Variants in CRHR1 observed in about 807,000 individuals in gnomAD.
The protein encoded by CRHR1 is corticotropin releasing hormone receptor 1.
Under a neutral mutation model 56.0 loss-of-function variants are expected in CRHR1, and 28 were observed. The ratio of observed to expected loss-of-function variants is 0.50; its 90% confidence interval spans 0.37 to 0.69. CRHR1 has a LOEUF of 0.69. Ranked by LOEUF, CRHR1 falls within the 30% of genes least tolerant of loss-of-function variation. The probability of loss-of-function intolerance (pLI) is 0.00; values close to 1 mark genes in which losing one functional copy is unlikely to be tolerated. For missense variants in CRHR1, 376 were observed against 548.0 expected (o/e 0.69, Z 3.13); for synonymous variants, 195 against 216.5 (o/e 0.90, Z 0.87).
chr17:45,831,945 T>A (rs2062320276), intron 8 of CRHR1, among the ~76,000 whole-genome samples: 1 of 152,134 alleles, frequency 6.6e-6, no homozygotes, highest in Non-Finnish European at 1.5e-5. Flanking sequence ...GACTCCCTCC[T>A]GACTCCCTCC....
rs533142615 is a variant in CRHR1 at position 45,813,135 on chromosome 17, G to A, written c.122-3328G>A. ...CCCCGAGGCCTTATGGGAAGGCACCGAGCCCACAAGGCAGTCCCAGGCCGG... is the reference window on the plus strand; with the variant it reads ...CCCCGAGGCCTTATGGGAAGGCACCAAGCCCACAAGGCAGTCCCAGGCCGG... On this transcript the variant is annotated intron_variant, in intron 2 of 12. Coordinates refer to ENST00000314537, the MANE Select transcript of CRHR1 (RefSeq NM_004382.5). Among the ~76,000 whole-genome samples, 12 of 152,262 alleles carry A rather than the reference G, an allele frequency of 7.9e-5. No individual in the cohort carries two copies. The East Asian group carries it at 1.7e-3, about 22-fold the overall frequency.
In CRHR1 at chr17:45,788,337, G is replaced by A. The variant is rs144915846; in HGVS notation, c.33+3760G>A. 4.0e-3 allele frequency among the ~76,000 whole-genome samples: 613 copies of A among 152,296 alleles called. 3 individuals are homozygous for A. Among genetic ancestry groups the A allele is most frequent in the African/African-American group, 0.014 (573 of 41,556 alleles). On this transcript the variant is annotated intron_variant, in intron 1 of 12. Coordinates refer to ENST00000314537, the MANE Select transcript of CRHR1 (RefSeq NM_004382.5). ...CCACAGTTTATCTGTCTGTAAACAGGGGTATTGGACTGGATTCTCTGTTAT... is the reference window on the plus strand; with the variant it reads ...CCACAGTTTATCTGTCTGTAAACAGAGGTATTGGACTGGATTCTCTGTTAT...
chr17:45,829,153 G>T, intron 4 of CRHR1, 62 bp from the exon 5 acceptor site: 2 of 1,322,766 alleles, frequency 1.5e-6, no homozygotes, highest in Admixed American at 3.6e-5. Context: ...CCTAGGCGAT[G>T]TCCTCACAGA....
At chr17:45,817,767 C>T (rs913053473) in intron 3 of CRHR1, among the ~76,000 whole-genome samples, 1 of 152,088 alleles carries the variant, frequency 6.6e-6, no homozygotes, top group African/African-American at 2.4e-5. Flanking sequence ...CATGTCCTGG[C>T]CATGGGAGGG....
At chr17:45,809,579 C>T (rs112236585) in intron 2 of CRHR1, among the ~76,000 whole-genome samples, 71 of 152,378 alleles carry the variant, frequency 4.7e-4, no homozygotes, top group African/African-American at 1.7e-3. Flanking sequence ...GCATGGCACG[C>T]GATCCATCAC....
intron 1 of CRHR1, among the ~76,000 whole-genome samples, chr17:45,793,711 G>C (rs2061467669): frequency 1.3e-5 from 2 of 152,190 alleles, no homozygotes; most frequent in African/African-American, 4.8e-5. Flanking sequence ...GGGGGCCTAG[G>C]AGTGGTGGGG....
chr17:45,794,365 A>C (rs2061480330), intron 1 of CRHR1, among the ~76,000 whole-genome samples: 1 of 152,252 alleles, frequency 6.6e-6, no homozygotes, highest in Non-Finnish European at 1.5e-5. Context: ...CAGTCGGACC[A>C]GTCCTCACCA....
intron 1 of CRHR1, among the ~76,000 whole-genome samples, chr17:45,791,852 TCACACACACACACACA>T (rs59855327): frequency 8.3e-6 from 1 of 121,028 alleles, no homozygotes. Flanking sequence ...TCTCTCTCTC[TCACACACACACACACA>T]CACACACACA....
At chr17:45,785,682 T>G (rs1223036427) in intron 1 of CRHR1, among the ~76,000 whole-genome samples, 1 of 152,228 alleles carries the variant, frequency 6.6e-6, no homozygotes, top group Non-Finnish European at 1.5e-5. Flanking sequence ...CATTTTTCCA[T>G]CAGTTATTAA....
chr17:45,798,994 G>T (rs567980207), intron 1 of CRHR1, among the ~76,000 whole-genome samples: 4 of 152,376 alleles, frequency 2.6e-5, no homozygotes, highest in African/African-American at 9.6e-5. Context: ...GGAACTGGTT[G>T]TGGCTGTCAC....
At chr17:45,791,890 G>A (rs998416811) in intron 1 of CRHR1, among the ~76,000 whole-genome samples, 2 of 142,930 alleles carry the variant, frequency 1.4e-5, no homozygotes, top group African/African-American at 5.3e-5. Context: ...ACACACGCTG[G>A]TACCCTGGCG....
intron 1 of CRHR1, among the ~76,000 whole-genome samples, chr17:45,804,934 C>G (rs915438433): frequency 6.6e-6 from 1 of 152,014 alleles, no homozygotes; most frequent in Non-Finnish European, 1.5e-5. Flanking sequence ...CCTGCCTCAG[C>G]CTCCCGAATA....
At position 45,830,229 on chromosome 17, in the gene CRHR1, G is replaced by A. The variant is rs370609170; in HGVS notation, c.555+15G>A. ...AGAGCAACGTGGTACGTCCTGGCAGGGGAGCGGGGAGCAGGTCAGGCCAAA... is the reference window on the plus strand; with the variant it reads ...AGAGCAACGTGGTACGTCCTGGCAGAGGAGCGGGGAGCAGGTCAGGCCAAA... On this transcript the variant is annotated intron_variant, in intron 6 of 12. Coordinates refer to ENST00000314537, the MANE Select transcript of CRHR1 (RefSeq NM_004382.5). The A allele has an allele frequency of 8.1e-6, 13 of 1,613,476 alleles. No individual in the cohort carries two copies. The highest frequency in any genetic ancestry group is 4.0e-5 in the African/African-American group (3 of 74,890).
chr17:45,832,055 T>A (rs1301281809), intron 8 of CRHR1, among the ~76,000 whole-genome samples: 1 of 132,080 alleles, frequency 7.6e-6, no homozygotes, highest in Non-Finnish European at 1.8e-5. Context: ...ACCCCGTATC[T>A]ACTAAAAAAA....
At chr17:45,828,325 G>A (rs904516383) in intron 4 of CRHR1, among the ~76,000 whole-genome samples, 3 of 152,186 alleles carry the variant, frequency 2.0e-5, no homozygotes, top group East Asian at 1.9e-4. Context: ...TTGGAGTTGC[G>A]CGACCTCCAG....
intron 2 of CRHR1, among the ~76,000 whole-genome samples, chr17:45,809,819 G>A (rs2061787673): frequency 6.6e-6 from 1 of 152,254 alleles, no homozygotes; most frequent in Non-Finnish European, 1.5e-5. Flanking sequence ...GGCCTATCAT[G>A]TGGCAGACCA....
rs1568034430 is a variant in CRHR1, at chr17:45,797,307, T to TTTTTTTTTTTTTC, written c.34-9702_34-9701insTTTTTTTTTTTCT. The stretch of plus-strand genomic sequence containing the variant: ...TCTTTTTTTTTTTTTTTTTTTTTTT[T>TTTTTTTTTTTTTC]TGAGACGGAGTCTCGCTGTGTCACC... On this transcript the variant is annotated intron_variant, in intron 1 of 12. Transcript: ENST00000314537. Among the ~76,000 whole-genome samples the TTTTTTTTTTTTTC allele has an allele frequency of 4.4e-5, 6 of 137,220 alleles. 2 individuals are homozygous for TTTTTTTTTTTTTC. Among genetic ancestry groups the TTTTTTTTTTTTTC allele is most frequent in the South Asian group, 2.4e-4 (1 of 4,248 alleles). The allele number at this position is 137,220 out of a possible 152,430, so 90.0% of individuals were successfully genotyped here. A position where few individuals can be genotyped will look rare whatever the true frequency, so the allele number is the denominator to read the frequency against.
chr17:45,834,927 C>G lies in CRHR1; in HGVS notation c.*163C>G. ...GGGGGGGCCGCTCTCCCCCTGCAGC[C>G]GTGCAGGACTCTAGCTCATGAGTGG... On this transcript the variant is annotated 3_prime_UTR_variant, in exon 13 of 13. Coordinates refer to ENST00000314537, the MANE Select transcript of CRHR1 (RefSeq NM_004382.5). 2.1e-6 allele frequency: 2 copies of G among 935,184 alleles called. No homozygotes were observed. The highest frequency in any genetic ancestry group is 3.2e-6 in the Non-Finnish European group (2 of 631,206). 57.9% of individuals were successfully genotyped at this position (935,184 alleles called of 1,614,324 possible).
At position 45,830,331 on chromosome 17, in the gene CRHR1, C is replaced by T. The variant is rs569120785; in HGVS notation, c.556-86C>T. 446 of 1,581,182 alleles carry T rather than the reference C, an allele frequency of 2.8e-4. 3 individuals are homozygous for T. The highest frequency in any genetic ancestry group is 7.6e-5 in the Non-Finnish European group (88 of 1,161,594). On this transcript the variant is annotated intron_variant, in intron 6 of 12. Coordinates refer to ENST00000314537, the MANE Select transcript of CRHR1 (RefSeq NM_004382.5). Reference sequence around the variant, plus strand: ...CAGGAGTGGGATCCCAGGGTATGCCCTGTCCTGCCCTGGGGAGGCCCAGGC... The same window carrying T: ...CAGGAGTGGGATCCCAGGGTATGCCTTGTCCTGCCCTGGGGAGGCCCAGGC...
Sources: allele counts gnomAD v4.1 joint callset (sites outside exome capture counted in the v4.1 genomes callset), GRCh38; gene constraint gnomAD v4.1.1; transcripts MANE v1.5; gene names NCBI Gene and HGNC (gene_info 2026-07-23, HGNC 2026-07-21).